SMN1: variants seen among roughly 807,000 people sequenced by gnomAD.
SMN1 encodes the protein survival of motor neuron 1, telomeric, also known as survival motor neuron protein.
For synonymous variants in SMN1, 3 were observed against 5.1 expected (o/e 0.58, Z 0.56); for missense variants, 15 against 17.1 (o/e 0.88, Z 0.22).
At chr5:70,949,912 T>A in intron 7 of SMN1, among the ~76,000 whole-genome samples, 1 of 108,050 alleles carries the variant, frequency 9.3e-6, no homozygotes, top group Admixed American at 1.0e-4. Context: ...CTAAAAAAAA[T>A]ACAAAATTAG....
the SMN1 span, among the ~76,000 whole-genome samples, chr5:70,958,971 G>A: frequency 2.0e-5 from 3 of 150,286 alleles, no homozygotes; most frequent in South Asian, 6.4e-4. Flanking sequence ...GTTTATTGCG[G>A]CACTATTCAC....
chr5:70,955,625 C>CA (rs983207132), downstream of SMN1, among the ~76,000 whole-genome samples: 112 of 136,282 alleles, frequency 8.2e-4, 2 homozygotes, highest in African/African-American at 2.8e-3. Flanking sequence ...ACTAAAAATA[C>CA]AAAAAAAAAA....
the SMN1 span, among the ~76,000 whole-genome samples, chr5:70,959,055 A>G: frequency 1.3e-5 from 2 of 150,778 alleles, no homozygotes; most frequent in African/African-American, 2.4e-5. Context: ...GCACATATAC[A>G]CCATGGAATA....
chr5:70,951,020 G>C (rs58904338), intron 7 of SMN1, among the ~76,000 whole-genome samples: 3 of 151,778 alleles, frequency 2.0e-5, no homozygotes, highest in Non-Finnish European at 4.4e-5. Context: ...TGATCCGCCC[G>C]CCTTGGCCTC....
At chr5:70,945,373 G>A (rs1261825086) in intron 6 of SMN1, among the ~76,000 whole-genome samples, 16 of 15,940 alleles carry the variant, frequency 1.0e-3, no homozygotes, top group Non-Finnish European at 9.1e-4. Context: ...TGATCCACCC[G>A]CCTTGGCCTC....
At chr5:70,955,119 A>C (rs1749870338), downstream of SMN1, among the ~76,000 whole-genome samples, 1 of 145,346 alleles carries the variant, frequency 6.9e-6, no homozygotes, top group South Asian at 2.2e-4. Flanking sequence ...AGGCTGAGGC[A>C]AAAGGATCAC....
intron 5 of SMN1, among the ~76,000 whole-genome samples, chr5:70,943,680 A>G (rs1397063366): frequency 2.0e-5 from 2 of 102,434 alleles, no homozygotes; most frequent in East Asian, 5.1e-4. Context: ...TCAACTCTAA[A>G]AAGATTTTTA....
At position 70,951,970 on chromosome 5, in the gene SMN1, G is replaced by T. The variant is rs368899583; in HGVS notation, c.864G>T (p.Arg288Ser). 37 of 1,612,796 alleles carry T rather than the reference G, an allele frequency of 2.3e-5. No homozygotes were observed. The African/African-American group carries it at 4.5e-4, about 20-fold the overall frequency. Residue 288 changes from arginine (R) to serine (S), a missense_variant, in exon 8 of 9, where the codon AGG becomes AGT. By Grantham distance (110) the Arg-to-Ser change is moderately radical (BLOSUM62 -1). Coordinates refer to ENST00000380707, the MANE Select transcript of SMN1 (RefSeq NM_000344.4). ...TCAGACAAAATCAAAAAGAAGGAAGGTGCTCACATTCCTTAAATTAAGGAG... is the reference window on the plus strand; with the variant it reads ...TCAGACAAAATCAAAAAGAAGGAAGTTGCTCACATTCCTTAAATTAAGGAG... ...MGFRQNQKEG[R>S]CSHSLN
At chr5:70,955,401 C>T (rs1749881009), downstream of SMN1, among the ~76,000 whole-genome samples, 1 of 143,768 alleles carries the variant, frequency 7.0e-6, no homozygotes, top group Admixed American at 7.0e-5. Context: ...TCACCATGCC[C>T]AGCCCTTCTG....
intron 5 of SMN1, among the ~76,000 whole-genome samples, chr5:70,944,055 T>A (rs1357773211): frequency 7.0e-6 from 1 of 143,190 alleles, no homozygotes; most frequent in African/African-American, 2.5e-5. Flanking sequence ...TCCAAAGTGC[T>A]AGGATTACAG....
chr5:70,952,177 C>T (rs1749785247), intron 8 of SMN1, 183 bp downstream of exon 8: 2 of 1,478,396 alleles, frequency 1.4e-6, no homozygotes, highest in Non-Finnish European at 1.8e-6. Flanking sequence ...ATCTACATCC[C>T]TACTAGAATT....
At chr5:70,957,147 G>C (rs2112841978), downstream of SMN1, among the ~76,000 whole-genome samples, 1 of 60,008 alleles carries the variant, frequency 1.7e-5, no homozygotes, top group East Asian at 4.1e-4. Flanking sequence ...GAATGCTTGT[G>C]ATTTTTGTAC....
chr5:70,964,095 AG>A, the SMN1 span, among the ~76,000 whole-genome samples: 1 of 135,986 alleles, frequency 7.4e-6, no homozygotes, highest in Non-Finnish European at 1.6e-5. Context: ...CATGTTGGCC[AG>A]GCTGGTCTCG....
At chr5:70,951,494 C>CG (rs1222611050) in intron 7 of SMN1, among the ~76,000 whole-genome samples, 3 of 151,528 alleles carry the variant, frequency 2.0e-5, no homozygotes, top group Non-Finnish European at 4.4e-5. Flanking sequence ...AGGCTGTTCT[C>CG]GAACTCCTGA....
chr5:70,957,490 C>T (rs1285553945), downstream of SMN1, among the ~76,000 whole-genome samples: 5 of 149,760 alleles, frequency 3.3e-5, 1 homozygote, highest in Non-Finnish European at 7.4e-5. Context: ...AGATACGTCC[C>T]ATCAATACCT....
downstream of SMN1, among the ~76,000 whole-genome samples, chr5:70,957,518 T>C (rs796169962): frequency 4.0e-5 from 6 of 148,386 alleles, no homozygotes; most frequent in Admixed American, 6.8e-5. Flanking sequence ...TGAGAGTTTT[T>C]AGCATGAAGG....
Position 70,950,993 on chromosome 5 carries a change from C to G in SMN1, c.835-948C>G, listed in dbSNP as rs533038284. Among the ~76,000 whole-genome samples the G allele has an allele frequency of 9.9e-5, 15 of 152,028 alleles. No homozygotes were observed. The South Asian group carries it at 3.1e-3, about 32-fold the overall frequency. The stretch of plus-strand genomic sequence containing the variant: ...TTCTCCATGTTGGTCAGGCTGTTCT[C>G]CAAATCCGACCTCAGGTGATCCGCC... On this transcript the variant is annotated intron_variant, in intron 7 of 8. Transcript: ENST00000380707.
intron 7 of SMN1, among the ~76,000 whole-genome samples, chr5:70,951,125 A>C (rs112999460): frequency 6.6e-6 from 1 of 151,452 alleles, no homozygotes; most frequent in African/African-American, 2.4e-5. Flanking sequence ...ACCAGGTCTC[A>C]CTCTATTGCT....
intron 8 of SMN1, 84 bp downstream of exon 8, chr5:70,952,078 A>G: frequency 6.2e-7 from 1 of 1,601,574 alleles, no homozygotes; most frequent in Non-Finnish European, 8.5e-7. Context: ...TGAACATTTA[A>G]AAAGTTCAGA....
Sources: allele counts gnomAD v4.1 joint callset (sites outside exome capture counted in the v4.1 genomes callset), GRCh38; gene constraint gnomAD v4.1.1; transcripts MANE v1.5; gene names NCBI Gene and HGNC (gene_info 2026-07-23, HGNC 2026-07-21).